The following GRAMD1B variants were observed in gnomAD, a reference collection of about 807,000 sequenced individuals.
GRAMD1B encodes the protein GRAM domain containing 1B.
In GRAMD1B, 37 loss-of-function variants were observed where a neutral mutation model predicts 99.7. The ratio of observed to expected loss-of-function variants is 0.37; its 90% CI spans 0.29 to 0.49. The LOEUF (loss-of-function observed/expected upper bound fraction) is 0.49. Among genes scored for constraint, GRAMD1B ranks in the 20% least tolerant of loss-of-function variants. The pLI, the probability that GRAMD1B is intolerant of heterozygous loss-of-function variation, is 0.98. For missense variants in GRAMD1B, 888 were observed against 1,009.2 expected, an observed-to-expected ratio of 0.88 and a Z score of 1.63; for synonymous variants, 427 against 387.6, an observed-to-expected ratio of 1.10 and a Z score of -1.19.
At chr11:123,468,321 C>T (rs1950807953) in intron 1 of GRAMD1B, among the ~76,000 whole-genome samples, 1 of 151,418 alleles carries the variant, frequency 6.6e-6, no homozygotes, top group South Asian at 2.1e-4. Context: ...GAGGATAGGG[C>T]TAGATATTTG....
At chr11:123,598,477 G>T in intron 7 of GRAMD1B, 1 of 1,084,380 alleles carries the variant, frequency 9.2e-7, no homozygotes, top group Admixed American at 1.7e-5. Flanking sequence ...TCATAGATTT[G>T]GGCTTCTAGA....
chr11:123,512,461 T>C lies in GRAMD1B; in HGVS notation c.452+31568T>C, dbSNP rs75323411. 9.6e-4 allele frequency among the ~76,000 whole-genome samples: 147 copies of C among 152,336 alleles called. No homozygotes were observed. The East Asian group carries it at 0.026, about 27-fold the overall frequency. ...GAGGCAGAAACAGCCTGATTTTACTTAGGCCCTTGCTGTCCCTTAGTCCAG... is the reference window on the plus strand; with the variant it reads ...GAGGCAGAAACAGCCTGATTTTACTCAGGCCCTTGCTGTCCCTTAGTCCAG... On this transcript the variant is annotated intron_variant, in intron 2 of 19. Transcript: ENST00000635736.
intron 17 of GRAMD1B, among the ~76,000 whole-genome samples, chr11:123,616,518 C>T (rs1954412250): frequency 6.6e-6 from 1 of 152,216 alleles, no homozygotes; most frequent in East Asian, 1.9e-4. Context: ...TAGAGAAGGC[C>T]TGCACCCCTG....
chr11:123,559,768 C>CT (rs1192964651), intron 2 of GRAMD1B: 1 of 780,940 alleles, frequency 1.3e-6, no homozygotes. Flanking sequence ...TCCTGGAAGT[C>CT]TGGGAGCAGC....
chr11:123,433,179 C>T (rs1948984249), intron 1 of GRAMD1B, among the ~76,000 whole-genome samples: 1 of 151,944 alleles, frequency 6.6e-6, no homozygotes, highest in Non-Finnish European at 1.5e-5. Flanking sequence ...GAGTTCGAGA[C>T]CAGCTTGGCC....
intron 1 of GRAMD1B, among the ~76,000 whole-genome samples, chr11:123,444,167 C>G (rs909993581): frequency 2.6e-5 from 4 of 152,158 alleles, no homozygotes; most frequent in Admixed American, 6.5e-5. Flanking sequence ...TTTACAGATG[C>G]AAATTTTCCC....
intron 2 of GRAMD1B, chr11:123,560,426 A>G: frequency 8.4e-7 from 1 of 1,188,076 alleles, no homozygotes; most frequent in South Asian, 1.6e-5. Flanking sequence ...AAAATGCTAC[A>G]GCGGTGTGAA....
At chr11:123,604,694 G>GT (rs1952461740) in intron 9 of GRAMD1B, among the ~76,000 whole-genome samples, 1 of 152,224 alleles carries the variant, frequency 6.6e-6, no homozygotes, top group East Asian at 1.9e-4. Context: ...TTTCCGGAGA[G>GT]TTGTCAAGCA....
At chr11:123,480,936 G>C in intron 2 of GRAMD1B, 43 bp downstream of exon 2, 1 of 398,894 alleles carries the variant, frequency 2.5e-6, no homozygotes. Context: ...AAAGAATAGA[G>C]GGGGTGGGGT....
Position 123,614,732 on chromosome 11 carries a change from A to G in GRAMD1B, c.2228-13A>G. The G allele has an allele frequency of 6.3e-7, 1 of 1,574,848 alleles. No homozygotes were observed. The highest frequency in any genetic ancestry group is 8.7e-7 in the Non-Finnish European group (1 of 1,144,848). On this transcript the variant is annotated splice_polypyrimidine_tract_variant and intron_variant, in intron 16 of 19. Coordinates refer to ENST00000635736, the MANE Select transcript of GRAMD1B (RefSeq NM_001387025.1). ...GGTCACCATGGTGATGGTCTCTTTA[A>G]TTCTCCCCACAGGTTCCACACAGAC... is the stretch of plus-strand genomic sequence containing the variant.
At position 123,541,227 on chromosome 11, in the gene GRAMD1B, C is replaced by T. The variant is rs185526989; in HGVS notation, c.453-36140C>T. Among the ~76,000 whole-genome samples, 7 of 152,184 alleles carry T rather than the reference C, an allele frequency of 4.6e-5. No homozygotes were observed. The East Asian group carries it at 9.7e-4, about 21-fold the overall frequency. Reference sequence around the variant, plus strand: ...CTGACCTCAGGTGATCCACCTGCCTCGGTGTCCCAAAGTACTGGGATTACA... The same window carrying T: ...CTGACCTCAGGTGATCCACCTGCCTTGGTGTCCCAAAGTACTGGGATTACA... On this transcript the variant is annotated intron_variant, in intron 2 of 19. Transcript: ENST00000635736.
At chr11:123,363,639 TCTC>T (rs1197655076) in intron 1 of GRAMD1B, among the ~76,000 whole-genome samples, 1 of 152,124 alleles carries the variant, frequency 6.6e-6, no homozygotes, top group Admixed American at 6.5e-5. Context: ...ATGGTTCAGT[TCTC>T]CTTGGAGATC....
intron 4 of GRAMD1B, among the ~76,000 whole-genome samples, chr11:123,590,840 G>A (rs1950570494): frequency 6.6e-6 from 1 of 152,192 alleles, no homozygotes; most frequent in Non-Finnish European, 1.5e-5. Flanking sequence ...GGGGAGCTGG[G>A]CATTCGGTTC....
chr11:123,456,064 G>A (rs951744905), intron 1 of GRAMD1B, among the ~76,000 whole-genome samples: 7 of 152,086 alleles, frequency 4.6e-5, no homozygotes, highest in African/African-American at 7.2e-5. Flanking sequence ...CCAGCTACTC[G>A]GAAGCCTGAG....
intron 2 of GRAMD1B, among the ~76,000 whole-genome samples, chr11:123,484,288 T>C (rs1054867822): frequency 6.6e-6 from 1 of 152,184 alleles, no homozygotes; most frequent in Non-Finnish European, 1.5e-5. Context: ...CTGGAAGAGA[T>C]GAGTAGTGCT....
At chr11:123,524,538 G>C (rs4525246) in intron 2 of GRAMD1B, among the ~76,000 whole-genome samples, 38,453 of 151,562 alleles carry the variant, frequency 0.25, 5,156 homozygotes, top group African/African-American at 0.29. Flanking sequence ...ACGAGGTTTC[G>C]CCATGTTGGC....
chr11:123,548,113 G>T (rs180704286), intron 2 of GRAMD1B, among the ~76,000 whole-genome samples: 2 of 151,580 alleles, frequency 1.3e-5, no homozygotes, highest in Non-Finnish European at 2.9e-5. Context: ...TATCAATGAC[G>T]TGAGAAGAGA....
rs183250249 is a variant in GRAMD1B, at chr11:123,366,409, T to G, written c.-176+7610T>G. 2.5e-4 allele frequency among the ~76,000 whole-genome samples: 38 copies of G among 152,368 alleles called. No individual in the cohort carries two copies. In the East Asian group the frequency reaches 7.3e-3, roughly 29 times the overall value. On this transcript the variant is annotated intron_variant, in intron 1 of 20. Transcript: ENST00000638157. Reference sequence around the variant, plus strand: ...TCTATTCCTTTTCTTTTTCCCAAAGTATAATTCTCAGGACACCGGCATGCC... The same window carrying G: ...TCTATTCCTTTTCTTTTTCCCAAAGGATAATTCTCAGGACACCGGCATGCC...
chr11:123,505,824 C>T (rs1016891489), intron 2 of GRAMD1B, among the ~76,000 whole-genome samples: 3 of 152,076 alleles, frequency 2.0e-5, no homozygotes, highest in Non-Finnish European at 4.4e-5. Context: ...TTCTCTTTCA[C>T]TCTCTCTCTC....
Sources: gnomAD v4.1 joint callset for allele counts (sites outside exome capture counted in the v4.1 genomes callset) on GRCh38, gnomAD v4.1.1 for gene constraint, MANE v1.5 for transcripts, NCBI Gene and HGNC (gene_info 2026-07-23, HGNC 2026-07-21) for gene names.